The following OPCML variants were observed in gnomAD, a reference collection of about 807,000 sequenced individuals.
OPCML encodes opioid binding protein/cell adhesion molecule like.
Under a neutral mutation model 37.8 loss-of-function variants are expected in OPCML, and 13 were observed. The ratio of observed to expected loss-of-function variants is 0.34; its 90% CI spans 0.22 to 0.55. The LOEUF (loss-of-function observed/expected upper bound fraction) is 0.55, where lower values mean the gene tolerates loss of function less well. OPCML is among the 20% of genes least tolerant of loss of function. OPCML has a pLI of 0.91. For synonymous variants in OPCML, 176 were observed against 168.8 expected (o/e 1.04, Z -0.33); for missense variants, 341 against 435.6 (o/e 0.78, Z 1.93).
At chr11:133,087,930 G>C (rs987281038) in intron 1 of OPCML, among the ~76,000 whole-genome samples, 2 of 152,216 alleles carry the variant, frequency 1.3e-5, no homozygotes, top group African/African-American at 2.4e-5. Context: ...AGTAAAATGT[G>C]TGAACTGTAA....
At chr11:133,042,270 G>C (rs1014701127) in intron 1 of OPCML, among the ~76,000 whole-genome samples, 3 of 152,220 alleles carry the variant, frequency 2.0e-5, no homozygotes, top group African/African-American at 7.2e-5. Context: ...TAATTAGAAA[G>C]GGTCCTGGGA....
chr11:132,647,050 C>A (rs58102214), intron 3 of OPCML, among the ~76,000 whole-genome samples: 18,081 of 152,158 alleles, frequency 0.12, 2,166 homozygotes, highest in African/African-American at 0.31. Flanking sequence ...TGACCTGACA[C>A]AGAAAGGATG....
chr11:132,836,723 A>G (rs1192654734), intron 2 of OPCML, among the ~76,000 whole-genome samples: 2 of 152,204 alleles, frequency 1.3e-5, no homozygotes, highest in African/African-American at 4.8e-5. Context: ...AGAGGCAAGG[A>G]TATGTACGGC....
At chr11:133,170,833 A>C (rs1950279068) in intron 1 of OPCML, among the ~76,000 whole-genome samples, 1 of 152,204 alleles carries the variant, frequency 6.6e-6, no homozygotes, top group South Asian at 2.1e-4. Flanking sequence ...GATCCTGGTA[A>C]AGCTGGGAGG....
rs571793770 is a variant in OPCML at position 133,150,428 on chromosome 11, A to G, written c.62-207418T>C. ...GCGAAATGGTGCAGCTGGGGTTTCA[A>G]CCCAGGACTCTGAACCCTCTGTTTT... is the stretch of plus-strand genomic sequence containing the variant. On this transcript the variant is annotated intron_variant, in intron 1 of 7. Coordinates refer to ENST00000524381, the MANE Select transcript of OPCML (RefSeq NM_001012393.5). Among the ~76,000 whole-genome samples, 13 of 152,278 alleles carry G rather than the reference A, an allele frequency of 8.5e-5. No homozygotes were observed. The South Asian group carries it at 2.3e-3, about 27-fold the overall frequency.
intron 1 of OPCML, among the ~76,000 whole-genome samples, chr11:133,268,519 T>C (rs1941725309): frequency 6.6e-6 from 1 of 152,210 alleles, no homozygotes; most frequent in South Asian, 2.1e-4. Context: ...TGTCTAGCAA[T>C]TAAATAATGA....
At chr11:133,454,502 T>C (rs987796209) in intron 1 of OPCML, among the ~76,000 whole-genome samples, 13 of 152,170 alleles carry the variant, frequency 8.5e-5, no homozygotes, top group African/African-American at 2.9e-4. Context: ...ATTGATTCTG[T>C]GCTGTAAAAG....
At chr11:132,657,485 A>T in intron 2 of OPCML, 166 bp from the exon 3 acceptor site, 5 of 895,340 alleles carry the variant, frequency 5.6e-6, no homozygotes, top group Non-Finnish European at 6.7e-6. Flanking sequence ...AATATAAACT[A>T]AGAGTGACCA....
chr11:132,952,632 G>T (rs140176333), intron 1 of OPCML, among the ~76,000 whole-genome samples: 1 of 152,258 alleles, frequency 6.6e-6, no homozygotes, highest in East Asian at 1.9e-4. Context: ...TGCCTGGACT[G>T]ATGGAAGGAA....
chr11:132,473,827 C>CA (rs550857665), intron 4 of OPCML, among the ~76,000 whole-genome samples: 5 of 151,856 alleles, frequency 3.3e-5, no homozygotes, highest in Admixed American at 1.3e-4. Flanking sequence ...CTCTGTCACA[C>CA]AAAAAAATCA....
intron 2 of OPCML, among the ~76,000 whole-genome samples, chr11:132,893,932 T>C (rs1159653034): frequency 1.3e-5 from 2 of 152,182 alleles, no homozygotes; most frequent in African/African-American, 2.4e-5. Flanking sequence ...CTACATTAAA[T>C]TGAAAACTTC....
chr11:133,061,797 T>A (rs936205316), intron 1 of OPCML, among the ~76,000 whole-genome samples: 1 of 152,144 alleles, frequency 6.6e-6, no homozygotes, highest in Non-Finnish European at 1.5e-5. Context: ...TTCAAAAACT[T>A]TTCCGCAAGT....
intron 1 of OPCML, among the ~76,000 whole-genome samples, chr11:133,051,739 G>A (rs1948135585): frequency 6.6e-6 from 1 of 152,146 alleles, no homozygotes; most frequent in South Asian, 2.1e-4. Flanking sequence ...GGCAGCCCAA[G>A]CCCTTCAGCA....
intron 4 of OPCML, among the ~76,000 whole-genome samples, chr11:132,475,417 T>A (rs952501741): frequency 6.6e-6 from 1 of 152,146 alleles, no homozygotes; most frequent in Non-Finnish European, 1.5e-5. Flanking sequence ...CATTCTAACC[T>A]CCAGCATCTC....
At chr11:132,868,080 C>G (rs1942644398) in intron 2 of OPCML, among the ~76,000 whole-genome samples, 1 of 152,074 alleles carries the variant, frequency 6.6e-6, no homozygotes. Flanking sequence ...GCTTTGCTAG[C>G]ACTAATGTAT....
intron 1 of OPCML, among the ~76,000 whole-genome samples, chr11:133,140,186 C>CAAT (rs59577218): frequency 0.2 from 25,362 of 124,350 alleles, 2,666 homozygotes; most frequent in Admixed American, 0.23. Context: ...GACTCCGTCT[C>CAAT]AATAATAATA....
intron 1 of OPCML, among the ~76,000 whole-genome samples, chr11:133,397,787 A>T (rs1261336404): frequency 1.3e-5 from 2 of 152,228 alleles, no homozygotes; most frequent in Non-Finnish European, 2.9e-5. Flanking sequence ...GCTTTGAGTC[A>T]TATAGTAGAA....
chr11:133,088,200 CT>C (rs1325764203), intron 1 of OPCML, among the ~76,000 whole-genome samples: 2 of 150,400 alleles, frequency 1.3e-5, no homozygotes, highest in Non-Finnish European at 2.9e-5. Flanking sequence ...AACCATGAAC[CT>C]TTTACATGGG....
rs140803451 is a variant in OPCML at position 132,596,980 on chromosome 11, A to C, written c.379+60107T>G. Among the ~76,000 whole-genome samples, 27 of 152,276 alleles carry C rather than the reference A, an allele frequency of 1.8e-4. 1 individual carries two copies. In the East Asian group the frequency reaches 5.2e-3, roughly 29 times the overall value. On this transcript the variant is annotated intron_variant, in intron 3 of 7. Transcript: ENST00000524381. ...CACTTGAATTTCTAGTAGCTATATC[A>C]CCACCCTCACCCCCAACCTACTCCT...
Sources: allele counts gnomAD v4.1 joint callset (sites outside exome capture counted in the v4.1 genomes callset), GRCh38; gene constraint gnomAD v4.1.1; transcripts MANE v1.5; gene names NCBI Gene and HGNC (gene_info 2026-07-23, HGNC 2026-07-21).